Variants in RASA1 observed in about 807,000 individuals in gnomAD.
The protein encoded by RASA1 is RAS p21 protein activator 1, also known as ras GTPase-activating protein 1.
In RASA1, 25 loss-of-function variants were observed where a neutral mutation model predicts 132.2. The ratio of observed to expected loss-of-function variants is 0.19; its 90% CI spans 0.14 to 0.26. The LOEUF is 0.26. Among genes scored for constraint, RASA1 ranks in the 10% least tolerant of loss-of-function variants. The pLI is 1.00. For synonymous variants in RASA1, 477 were observed against 449.9 expected (o/e 1.06, Z -0.76); for missense variants, 964 against 1,299.2 (o/e 0.74, Z 3.97).
At chr5:87,354,582 CAG>C (rs1759513896) in intron 9 of RASA1, among the ~76,000 whole-genome samples, 1 of 152,114 alleles carries the variant, frequency 6.6e-6, no homozygotes, top group African/African-American at 2.4e-5. Context: ...CCTATTTCTG[CAG>C]ACACAACACT....
chr5:87,328,854 A>G (rs1008036405), intron 1 of RASA1, among the ~76,000 whole-genome samples: 4 of 152,140 alleles, frequency 2.6e-5, no homozygotes, highest in Non-Finnish European at 5.9e-5. Context: ...AGGTTCTAGA[A>G]ATCTGTAAGG....
intron 11 of RASA1, among the ~76,000 whole-genome samples, chr5:87,367,138 TAGTG>T (rs1293479020): frequency 6.6e-6 from 1 of 152,160 alleles, no homozygotes; most frequent in Non-Finnish European, 1.5e-5. Flanking sequence ...GAGAAGCACT[TAGTG>T]AGAAAGACTG....
At chr5:87,306,285 C>T (rs1755606387) in intron 1 of RASA1, among the ~76,000 whole-genome samples, 1 of 152,042 alleles carries the variant, frequency 6.6e-6, no homozygotes, top group Non-Finnish European at 1.5e-5. Flanking sequence ...TACTATGCAG[C>T]CATTAAAAAG....
chr5:87,349,228 A>G lies in RASA1; in HGVS notation c.1117A>G (p.Ser373Gly), dbSNP rs1363006932. ...AATTCTTACAGTTGGTCAAGTCTGCAGTTTTCTTGTGAGGCCCTCAGATAA... is the reference window on the plus strand; with the variant it reads ...AATTCTTACAGTTGGTCAAGTCTGCGGTTTTCTTGTGAGGCCCTCAGATAA... ...NLLMTVGQVC[S>G]FLVRPSDNTP... Residue 373 changes from serine (S) to glycine (G), a missense_variant, in exon 8 of 25, where the codon AGT becomes GGT. Around this residue, in one of 6 missense-constraint regions of RASA1, gnomAD observed 154 missense variants for 286.5 expected, o/e 0.54. Coordinates refer to ENST00000274376, the MANE Select transcript of RASA1 (RefSeq NM_002890.3). 6.2e-7 allele frequency: 1 copy of G among 1,611,916 alleles called. No individual in the cohort carries two copies. Among genetic ancestry groups the G allele is most frequent in the Non-Finnish European group, 8.5e-7 (1 of 1,178,556 alleles).
chr5:87,377,155 T>C, intron 17 of RASA1, 115 bp downstream of exon 17: 1 of 1,344,222 alleles, frequency 7.4e-7, no homozygotes, highest in Non-Finnish European at 1.0e-6. Flanking sequence ...GCAAAATAAG[T>C]TATTCTGTTT....
intron 7 of RASA1, 51 bp downstream of exon 7, chr5:87,346,775 A>T: frequency 7.4e-7 from 1 of 1,351,578 alleles, no homozygotes; most frequent in Non-Finnish European, 1.1e-6. Flanking sequence ...GAGAATAAAA[A>T]AGTGAACAAA....
Position 87,376,532 on chromosome 5 carries a change from C to A in RASA1, c.2151C>A (p.Ile717=), listed in dbSNP as rs142908426. 1.2e-6 allele frequency: 2 copies of A among 1,613,856 alleles called. No homozygotes were observed. Among genetic ancestry groups the A allele is most frequent in the African/African-American group, 2.7e-5 (2 of 74,892 alleles). ...GAGCACGATACTCTATGGAAAAAAT[C>A]ATGCCAGAAGAAGAGTACAGTGAAT... ...RVRARYSMEK[I]MPEEEYSEFK... The change falls in exon 16 of 25, where the codon ATC becomes ATA. Residue 717 remains isoleucine, a synonymous_variant. Transcript: ENST00000274376.
intron 1 of RASA1, among the ~76,000 whole-genome samples, chr5:87,278,452 A>G (rs1754164099): frequency 6.6e-6 from 1 of 151,884 alleles, no homozygotes; most frequent in Non-Finnish European, 1.5e-5. Context: ...AGGCTGAGAC[A>G]GGAGAATGGC....
intron 21 of RASA1, among the ~76,000 whole-genome samples, chr5:87,384,976 A>G (rs1025482856): frequency 6.6e-6 from 1 of 151,830 alleles, no homozygotes; most frequent in African/African-American, 2.4e-5. Context: ...GAGGAGTGAC[A>G]ATCTTTTTTA....
Position 87,268,149 on chromosome 5 carries a change from G to C in RASA1, c.-303G>C, listed in dbSNP as rs1184149197. 1 of 438,420 alleles carries C rather than the reference G, an allele frequency of 2.3e-6. No homozygotes were observed. Among genetic ancestry groups the C allele is most frequent in the Non-Finnish European group, 4.0e-6 (1 of 248,862 alleles). The allele number at this position is 438,420 out of a possible 1,614,324, so 27.2% of individuals were successfully genotyped here. On this transcript the variant is annotated 5_prime_UTR_variant, in exon 1 of 25. Transcript: ENST00000274376. ...CTTTCCTCTTTAGTGCAGCGAGGAA[G>C]TTTTCGCTTCTGTACATGTGTTTGT...
intron 20 of RASA1, among the ~76,000 whole-genome samples, chr5:87,381,408 C>A (rs1310546714): frequency 5.3e-5 from 8 of 152,110 alleles, no homozygotes; most frequent in South Asian, 4.1e-4. Flanking sequence ...AATGCGAAAG[C>A]GTCATGGAAT....
chr5:87,282,565 A>G (rs1754364209), intron 1 of RASA1, among the ~76,000 whole-genome samples: 1 of 152,154 alleles, frequency 6.6e-6, no homozygotes, highest in South Asian at 2.1e-4. Flanking sequence ...AGATTTGATC[A>G]CTTCCTGGAT....
At position 87,268,318 on chromosome 5, in the gene RASA1, C is replaced by T; in HGVS notation, c.-134C>T. 1 of 1,120,392 alleles carries T rather than the reference C, an allele frequency of 8.9e-7. No individual in the cohort carries two copies. Among genetic ancestry groups the T allele is most frequent in the East Asian group, 2.7e-5 (1 of 37,212 alleles). 69.4% of individuals were successfully genotyped at this position (1,120,392 alleles called of 1,614,324 possible). Reference sequence around the variant, plus strand: ...GAGGGGGCGCGGCGGCGGGCTCTCTCCTTTTGTTGTTGTTTCCTCAGCCTG... The same window carrying T: ...GAGGGGGCGCGGCGGCGGGCTCTCTTCTTTTGTTGTTGTTTCCTCAGCCTG... On this transcript the variant is annotated 5_prime_UTR_variant, in exon 1 of 25. Transcript: ENST00000274376.
At chr5:87,287,147 C>CAT (rs1286007547) in intron 1 of RASA1, among the ~76,000 whole-genome samples, 1 of 135,204 alleles carries the variant, frequency 7.4e-6, no homozygotes, top group African/African-American at 2.8e-5. Context: ...ATATACACAC[C>CAT]GTATATATAC....
In RASA1 at chr5:87,330,863, T is replaced by G. The variant is rs1757551092; in HGVS notation, c.540-485T>G. The G allele has an allele frequency of 1.1e-5, 10 of 879,902 alleles. No individual in the cohort carries two copies. In the South Asian group the frequency reaches 2.8e-4, roughly 25 times the overall value. 54.5% of individuals were successfully genotyped at this position (879,902 alleles called of 1,614,324 possible). A position where few individuals can be genotyped will look rare whatever the true frequency, so the allele number is the denominator to read the frequency against. Reference sequence around the variant, plus strand: ...AACAGGAAATTAAAATAGCATCCTTTAGACAGTGTAATTCTGTTTTCCTGT... The same window carrying G: ...AACAGGAAATTAAAATAGCATCCTTGAGACAGTGTAATTCTGTTTTCCTGT... On this transcript the variant is annotated intron_variant, in intron 1 of 24. Transcript: ENST00000274376.
At chr5:87,337,946 T>C (rs561792694) in intron 4 of RASA1, 28 bp from the exon 5 acceptor site, 387 of 1,575,346 alleles carry the variant, frequency 2.5e-4, no homozygotes, top group Non-Finnish European at 3.1e-4. Context: ...ATTTTTAAAT[T>C]TAATAACTTT....
At chr5:87,378,853 G>A (rs1761506357) in intron 18 of RASA1, among the ~76,000 whole-genome samples, 1 of 152,126 alleles carries the variant, frequency 6.6e-6, no homozygotes, top group African/African-American at 2.4e-5. Flanking sequence ...TGAAGGTTTT[G>A]TTAGTGACTC....
intron 1 of RASA1, among the ~76,000 whole-genome samples, chr5:87,271,788 T>A (rs1195658459): frequency 6.6e-6 from 1 of 151,980 alleles, no homozygotes; most frequent in Non-Finnish European, 1.5e-5. Flanking sequence ...ATAGACTGTT[T>A]TTTAGAGTAG....
intron 9 of RASA1, among the ~76,000 whole-genome samples, chr5:87,362,350 G>A (rs1760169881): frequency 6.6e-6 from 1 of 152,118 alleles, no homozygotes; most frequent in African/African-American, 2.4e-5. Flanking sequence ...ACCTTTCTGT[G>A]AACTTTGTTG....
Sources: gnomAD v4.1 joint callset for allele counts (sites outside exome capture counted in the v4.1 genomes callset) on GRCh38, gnomAD v4.1.1 for gene constraint, gnomAD v4.1.1 regional missense constraint, MANE v1.5 for transcripts, NCBI Gene and HGNC (gene_info 2026-07-23, HGNC 2026-07-21) for gene names.